Variants in ANTXR2 observed in about 807,000 individuals in gnomAD.
ANTXR2 encodes ANTXR cell adhesion molecule 2, also known as anthrax toxin receptor 2.
A neutral mutation model predicts 73.7 loss-of-function variants in ANTXR2; 44 were observed. The ratio of observed to expected loss-of-function variants is 0.60; its 90% CI spans 0.47 to 0.77. The LOEUF (loss-of-function observed/expected upper bound fraction) is 0.77. Among genes scored for constraint, ANTXR2 ranks in the 30% least tolerant of loss-of-function variants. The pLI, the probability that ANTXR2 is intolerant of heterozygous loss-of-function variation, is 0.00. For missense variants in ANTXR2, 604 were observed against 592.5 expected (o/e 1.02, Z -0.20); for synonymous variants, 217 against 205.9 (o/e 1.05, Z -0.46).
At chr4:79,945,947 T>C (rs1337155041) in intron 16 of ANTXR2, among the ~76,000 whole-genome samples, 1 of 152,102 alleles carries the variant, frequency 6.6e-6, no homozygotes, top group Non-Finnish European at 1.5e-5. Context: ...AATGGTAAAA[T>C]GTAAGATGAA....
At chr4:80,016,575 T>G (rs1316437708) in intron 11 of ANTXR2, among the ~76,000 whole-genome samples, 1 of 152,220 alleles carries the variant, frequency 6.6e-6, no homozygotes, top group Non-Finnish European at 1.5e-5. Context: ...AGTTTGTACA[T>G]CCAATCCAGA....
intron 12 of ANTXR2, among the ~76,000 whole-genome samples, chr4:79,997,045 G>A (rs915510172): frequency 9.9e-5 from 15 of 150,888 alleles, no homozygotes; most frequent in African/African-American, 3.7e-4. Flanking sequence ...ATTTCAGTTT[G>A]GAAGAGAGCC....
intron 10 of ANTXR2, among the ~76,000 whole-genome samples, chr4:80,026,378 G>A (rs1340545866): frequency 6.6e-6 from 1 of 152,140 alleles, no homozygotes; most frequent in Non-Finnish European, 1.5e-5. Context: ...GTAAAACTGT[G>A]AGTCAATTAA....
At chr4:79,964,351 C>T (rs982819224) in intron 16 of ANTXR2, among the ~76,000 whole-genome samples, 16 of 152,168 alleles carry the variant, frequency 1.1e-4, no homozygotes, top group South Asian at 4.1e-4. Context: ...TTATAAATTA[C>T]CTTGTTACTG....
chr4:79,944,701 G>A (rs1435299000), intron 16 of ANTXR2, among the ~76,000 whole-genome samples: 1 of 152,122 alleles, frequency 6.6e-6, no homozygotes, highest in Non-Finnish European at 1.5e-5. Context: ...GGTACAACAT[G>A]CTTTGTGCTG....
chr4:79,982,462 T>C (rs1729932704), intron 14 of ANTXR2, among the ~76,000 whole-genome samples: 1 of 152,164 alleles, frequency 6.6e-6, no homozygotes, highest in Non-Finnish European at 1.5e-5. Context: ...GGATATTTGA[T>C]TGTAACACTT....
chr4:80,004,603 T>C (rs1731217029), intron 12 of ANTXR2, among the ~76,000 whole-genome samples: 2 of 152,092 alleles, frequency 1.3e-5, no homozygotes, highest in Non-Finnish European at 2.9e-5. Context: ...TTACACTGCC[T>C]TCTTTCCATC....
At chr4:79,910,507 CAAAAAAAAAAAAAAA>C (rs1727086494) in intron 16 of ANTXR2, among the ~76,000 whole-genome samples, 1 of 95,652 alleles carries the variant, frequency 1.0e-5, no homozygotes, top group African/African-American at 4.1e-5. Context: ...GACTCCGTCT[CAAAAAAAAAAAAAAA>C]GAAAAAAAAG....
chr4:79,912,994 C>T (rs183057846), intron 16 of ANTXR2, among the ~76,000 whole-genome samples: 22 of 152,232 alleles, frequency 1.4e-4, no homozygotes, highest in Admixed American at 1.4e-3. Flanking sequence ...TCTGCATATT[C>T]AAATATTTGC....
chr4:80,013,132 A>T (rs1041855559), intron 11 of ANTXR2, among the ~76,000 whole-genome samples: 8 of 152,244 alleles, frequency 5.3e-5, no homozygotes, highest in African/African-American at 1.7e-4. Context: ...AAAAGCAGAG[A>T]TCCATTTTAA....
chr4:80,065,652 A>G (rs1485204861), intron 3 of ANTXR2, among the ~76,000 whole-genome samples: 1 of 152,246 alleles, frequency 6.6e-6, no homozygotes, highest in Non-Finnish European at 1.5e-5. Flanking sequence ...TTATTCATGC[A>G]TTTACATAGT....
chr4:80,043,483 A>G (rs368902978), intron 7 of ANTXR2, among the ~76,000 whole-genome samples: 1 of 152,146 alleles, frequency 6.6e-6, no homozygotes, highest in South Asian at 2.1e-4. Context: ...AAAACTGCTG[A>G]TGGGATAATA....
chr4:80,057,952 T>C lies in ANTXR2; in HGVS notation c.297-1939A>G, dbSNP rs142783944. On this transcript the variant is annotated intron_variant, in intron 3 of 16. Coordinates refer to ENST00000403729, the MANE Select transcript of ANTXR2 (RefSeq NM_058172.6). ...GCATAAGTTATGTAATTCATAAGCT[T>C]GTTGTATCTAAAATATTTACGTTTG... 6.6e-4 allele frequency among the ~76,000 whole-genome samples: 100 copies of C among 152,186 alleles called. 2 individuals are homozygous for C. The highest frequency in any genetic ancestry group is 5.8e-3 in the East Asian group (30 of 5,150).
intron 8 of ANTXR2, 93 bp from the exon 9 acceptor site, chr4:80,033,663 T>A (rs768458205): frequency 1.3e-5 from 12 of 942,674 alleles, no homozygotes; most frequent in Non-Finnish European, 1.9e-5. Context: ...GTGCAAAGAA[T>A]AATTTTTTTC....
chr4:79,933,737 T>TTG (rs992475657), intron 16 of ANTXR2, among the ~76,000 whole-genome samples: 9 of 112,522 alleles, frequency 8.0e-5, no homozygotes, highest in Non-Finnish European at 1.4e-4. Context: ...GTGTGTTTGT[T>TTG]TTTTTTTTTT....
intron 1 of ANTXR2, 67 bp from the exon 2 acceptor site, chr4:80,071,721 G>T: frequency 7.4e-7 from 1 of 1,346,046 alleles, no homozygotes; most frequent in Non-Finnish European, 1.1e-6. Flanking sequence ...ATTTTGAAAT[G>T]GTTCCTTCTT....
intron 11 of ANTXR2, among the ~76,000 whole-genome samples, chr4:80,015,987 G>A (rs4690136): frequency 0.075 from 10,566 of 141,136 alleles, 1,315 homozygotes; most frequent in East Asian, 0.61. Flanking sequence ...GGAAAGGAAA[G>A]GAAAGGAAAG....
At chr4:79,993,760 G>GCACGCACACACACACA (rs1553931143) in intron 12 of ANTXR2, among the ~76,000 whole-genome samples, 1 of 140,658 alleles carries the variant, frequency 7.1e-6, no homozygotes, top group African/African-American at 2.6e-5. Context: ...ACACACACAC[G>GCACGCACACACACACA]CACACACACA....
intron 16 of ANTXR2, among the ~76,000 whole-genome samples, chr4:79,925,837 T>G (rs1727759514): frequency 6.6e-6 from 1 of 152,130 alleles, no homozygotes; most frequent in Middle Eastern, 3.2e-3. Context: ...AGTTAAGTTT[T>G]AAGCAACTGA....
Sources: gnomAD v4.1 joint callset for allele counts (sites outside exome capture counted in the v4.1 genomes callset) on GRCh38, gnomAD v4.1.1 for gene constraint, MANE v1.5 for transcripts, NCBI Gene and HGNC (gene_info 2026-07-23, HGNC 2026-07-21) for gene names.